Variants in LYST observed in about 807,000 individuals in gnomAD.
LYST encodes the protein lysosomal-trafficking regulator.
Under a neutral mutation model 413.6 loss-of-function variants are expected in LYST, and 192 were observed. That is an observed-to-expected ratio of 0.46 (90% confidence interval 0.41 to 0.52). LYST has a LOEUF of 0.52. Among genes scored for constraint, LYST ranks in the 20% least tolerant of loss-of-function variants. The probability of loss-of-function intolerance (pLI) is 0.00; values close to 1 mark genes in which losing one functional copy is unlikely to be tolerated. For synonymous variants in LYST, 1,525 were observed against 1,567.3 expected (o/e 0.97, Z 0.64); for missense variants, 3,815 against 4,499.9 (o/e 0.85, Z 4.35).
intron 5 of LYST, 100 bp downstream of exon 5, chr1:235,808,355 A>T: frequency 1.9e-6 from 2 of 1,061,644 alleles, no homozygotes; most frequent in Non-Finnish European, 2.8e-6. Context: ...TTAGAAGTTT[A>T]AATGCATACA....
At chr1:235,703,706 C>A (rs1661727484) in intron 44 of LYST, among the ~76,000 whole-genome samples, 1 of 152,178 alleles carries the variant, frequency 6.6e-6, no homozygotes, top group African/African-American at 2.4e-5. Flanking sequence ...GTTAGGTCAT[C>A]TTCAACTCCA....
intron 1 of LYST, among the ~76,000 whole-genome samples, chr1:235,849,997 A>T (rs1678341036): frequency 6.6e-6 from 1 of 151,958 alleles, no homozygotes; most frequent in Non-Finnish European, 1.5e-5. Flanking sequence ...AAATACCACT[A>T]TCATTCTTCA....
At chr1:235,857,710 C>G (rs1055325875) in intron 1 of LYST, among the ~76,000 whole-genome samples, 1 of 149,166 alleles carries the variant, frequency 6.7e-6, no homozygotes, top group Non-Finnish European at 1.5e-5. Flanking sequence ...TATATACACA[C>G]ACACACGTAT....
chr1:235,787,088 A>T, intron 14 of LYST, 112 bp downstream of exon 14: 1 of 779,468 alleles, frequency 1.3e-6, no homozygotes, highest in Non-Finnish European at 2.1e-6. Context: ...AGTAAATTTT[A>T]TTATAGTAAA....
rs778605952 is a variant in LYST, at chr1:235,702,804, C to A, written c.10317G>T (p.Leu3439Phe). Residue 3439 changes from leucine (L) to phenylalanine (F), a missense_variant, in exon 45 of 53, where the codon TTG becomes TTT. This residue lies in a region of LYST where 866 missense variants were observed against 1,156.0 expected (regional missense o/e 0.75). Coordinates refer to ENST00000389793, the MANE Select transcript of LYST (RefSeq NM_000081.4). Reference protein sequence around the residue: ...IEGELPAAVGLLVQFAFRETR... With the variant: ...IEGELPAAVGFLVQFAFRETR... ...TCTCCCTGAAAGCAAACTGCACTAGCAACCCCACAGCAGCTGGAAGCTCTC... is the reference window on the plus strand; with the variant it reads ...TCTCCCTGAAAGCAAACTGCACTAGAAACCCCACAGCAGCTGGAAGCTCTC... 3 of 1,614,202 alleles carry A rather than the reference C, an allele frequency of 1.9e-6. No homozygotes were observed. The East Asian group carries it at 6.7e-5, about 36-fold the overall frequency.
intron 1 of LYST, among the ~76,000 whole-genome samples, chr1:235,873,655 G>A (rs1681029697): frequency 6.6e-6 from 1 of 152,172 alleles, no homozygotes; most frequent in Non-Finnish European, 1.5e-5. Context: ...TCTTAGCCAG[G>A]TGATTTACTT....
At chr1:235,758,788 A>G (rs1667283198) in intron 23 of LYST, among the ~76,000 whole-genome samples, 184 bp downstream of exon 23, 1 of 152,222 alleles carries the variant, frequency 6.6e-6, no homozygotes, top group Non-Finnish European at 1.5e-5. Context: ...GGAATTCAAT[A>G]TTATCTAGTC....
At chr1:235,795,007 C>T (rs181639307) in intron 10 of LYST, among the ~76,000 whole-genome samples, 22 of 151,912 alleles carry the variant, frequency 1.4e-4, no homozygotes, top group African/African-American at 5.3e-4. Context: ...GGCATTGGGG[C>T]ACATCTAGTA....
intron 20 of LYST, among the ~76,000 whole-genome samples, chr1:235,769,447 A>C (rs888643691): frequency 6.6e-6 from 1 of 152,062 alleles, no homozygotes; most frequent in Non-Finnish European, 1.5e-5. Context: ...AAAAGCCCTT[A>C]GTGCCACCGA....
chr1:235,668,114 CCA>C (rs1028910691), intron 50 of LYST, among the ~76,000 whole-genome samples: 4 of 152,012 alleles, frequency 2.6e-5, no homozygotes, highest in Non-Finnish European at 4.4e-5. Context: ...ATTTTCCTCC[CCA>C]GATATTTTCA....
At chr1:235,719,978 C>G (rs1320016239) in intron 40 of LYST, among the ~76,000 whole-genome samples, 1 of 151,848 alleles carries the variant, frequency 6.6e-6, no homozygotes, top group Non-Finnish European at 1.5e-5. Context: ...GAGATAGAGA[C>G]CATCCTGGCC....
At chr1:235,868,788 C>T (rs1199025803), upstream of LYST, among the ~76,000 whole-genome samples, 1 of 152,128 alleles carries the variant, frequency 6.6e-6, no homozygotes, top group Non-Finnish European at 1.5e-5. Flanking sequence ...CTCCGCCTCC[C>T]GGGTTCAAGT....
At chr1:235,783,638 A>G (rs770495236) in intron 14 of LYST, among the ~76,000 whole-genome samples, 1 of 152,196 alleles carries the variant, frequency 6.6e-6, no homozygotes, top group Non-Finnish European at 1.5e-5. Context: ...TCCCAGAACT[A>G]AAGTAAAATA....
At chr1:235,878,506 G>A (rs1173112808) in intron 1 of LYST, among the ~76,000 whole-genome samples, 1 of 152,074 alleles carries the variant, frequency 6.6e-6, no homozygotes, top group African/African-American at 2.4e-5. Flanking sequence ...CCCTGCTTCC[G>A]CCATTGTGGT....
At chr1:235,830,489 A>G in intron 2 of LYST, 65 bp from the exon 3 acceptor site, 2 of 1,279,964 alleles carry the variant, frequency 1.6e-6, no homozygotes. Context: ...TTTTAAAACT[A>G]TGTGTTTTTG....
intron 41 of LYST, among the ~76,000 whole-genome samples, chr1:235,716,207 G>A (rs567185335): frequency 6.6e-6 from 1 of 152,276 alleles, no homozygotes; most frequent in Non-Finnish European, 1.5e-5. Context: ...CGTAGCTATT[G>A]TGATTTTTGA....
intron 14 of LYST, among the ~76,000 whole-genome samples, chr1:235,785,619 A>G (rs1465399019): frequency 1.3e-5 from 2 of 152,198 alleles, no homozygotes; most frequent in Admixed American, 6.5e-5. Context: ...AGTATGCAGT[A>G]TTATATTCCC....
intron 28 of LYST, among the ~76,000 whole-genome samples, chr1:235,747,963 A>C (rs929945099): frequency 3.3e-5 from 5 of 152,162 alleles, no homozygotes; most frequent in African/African-American, 1.2e-4. Flanking sequence ...CCCCAGTACA[A>C]GTTCCATGAA....
intron 24 of LYST, 148 bp downstream of exon 24, chr1:235,757,133 G>A: frequency 1.8e-6 from 1 of 543,066 alleles, no homozygotes; most frequent in South Asian, 3.6e-5. Context: ...AAAAATATAT[G>A]AGTATTAAGT....
Sources: allele counts gnomAD v4.1 joint callset (sites outside exome capture counted in the v4.1 genomes callset), GRCh38; gene constraint gnomAD v4.1.1; regional missense constraint gnomAD v4.1.1; transcripts MANE v1.5; gene names NCBI Gene and HGNC (gene_info 2026-07-23, HGNC 2026-07-21).